The following WWC2 variants were observed in gnomAD, a reference collection of about 807,000 sequenced individuals.
The protein encoded by WWC2 is WW and C2 domain containing 2.
Under a neutral mutation model 138.5 loss-of-function variants are expected in WWC2, and 101 were observed. The observed-to-expected ratio is 0.73, with a 90% confidence interval of 0.62 to 0.86. The LOEUF is 0.86. WWC2 is among the 40% of genes least tolerant of loss of function. The pLI is 0.00. For missense variants in WWC2, 1,420 were observed against 1,419.4 expected (o/e 1.00, Z -0.01); for synonymous variants, 558 against 538.4 (o/e 1.04, Z -0.50).
chr4:183,251,002 T>A (rs2111336474), intron 8 of WWC2, among the ~76,000 whole-genome samples: 1 of 152,336 alleles, frequency 6.6e-6, no homozygotes, highest in East Asian at 1.9e-4. Flanking sequence ...ATTACTTGGT[T>A]CCTCACTTCC....
At chr4:183,133,148 T>C (rs1732991489) in intron 1 of WWC2, among the ~76,000 whole-genome samples, 2 of 135,024 alleles carry the variant, frequency 1.5e-5, no homozygotes, top group Admixed American at 7.0e-5. Context: ...TCTTTCTTTT[T>C]TTTCTTTTTT....
chr4:183,236,050 C>G (rs1736414126), intron 4 of WWC2, among the ~76,000 whole-genome samples: 1 of 152,128 alleles, frequency 6.6e-6, no homozygotes, highest in South Asian at 2.1e-4. Context: ...AGATAGGGGT[C>G]TAGATTCATT....
intron 2 of WWC2, among the ~76,000 whole-genome samples, chr4:183,196,513 C>G (rs1735146489): frequency 6.6e-6 from 1 of 152,230 alleles, no homozygotes; most frequent in African/African-American, 2.4e-5. Flanking sequence ...GTGATAACTT[C>G]AGTTACTTCC....
intron 11 of WWC2, among the ~76,000 whole-genome samples, chr4:183,264,486 C>T (rs1011757551): frequency 6.6e-6 from 1 of 152,126 alleles, no homozygotes; most frequent in Non-Finnish European, 1.5e-5. Flanking sequence ...GAGTCAAAGA[C>T]ATTTTTTCTT....
intron 7 of WWC2, among the ~76,000 whole-genome samples, chr4:183,249,365 G>A (rs922602921): frequency 3.3e-5 from 5 of 152,074 alleles, no homozygotes; most frequent in African/African-American, 1.2e-4. Context: ...TCCATTTTGG[G>A]ATGCCATTAG....
chr4:183,284,403 T>G lies in WWC2; in HGVS notation c.3048+13T>G, dbSNP rs767279077. ...GTACATCTGCAGGGTAAGGTGGCAG[T>G]GCTCGTGGTGAGGCGCTGGGACTGC... On this transcript the variant is annotated intron_variant, in intron 19 of 22. Transcript: ENST00000403733. 67 of 1,608,264 alleles carry G rather than the reference T, an allele frequency of 4.2e-5. No homozygotes were observed. Among genetic ancestry groups the G allele is most frequent in the Non-Finnish European group, 5.5e-5 (65 of 1,178,802 alleles).
chr4:183,258,541 G>A (rs1737223597), intron 9 of WWC2, among the ~76,000 whole-genome samples: 1 of 152,140 alleles, frequency 6.6e-6, no homozygotes, highest in African/African-American at 2.4e-5. Flanking sequence ...AAAGAAAAGT[G>A]GCTAGTTTTT....
At chr4:183,238,266 A>C (rs13145313) in intron 4 of WWC2, among the ~76,000 whole-genome samples, 62,978 of 151,818 alleles carry the variant, frequency 0.41, 13,642 homozygotes, top group African/African-American at 0.52. Flanking sequence ...ATGCTTTCCC[A>C]CACCCTCCAC....
chr4:183,222,415 T>C (rs988795102), intron 4 of WWC2, among the ~76,000 whole-genome samples: 1 of 151,998 alleles, frequency 6.6e-6, no homozygotes, highest in Non-Finnish European at 1.5e-5. Context: ...AAAAATCATA[T>C]TCACAATAGC....
chr4:183,131,556 A>T (rs1186717437), intron 1 of WWC2, among the ~76,000 whole-genome samples: 1 of 151,750 alleles, frequency 6.6e-6, no homozygotes, highest in East Asian at 1.9e-4. Flanking sequence ...TCTTTTATTG[A>T]TTGTTACAAG....
intron 2 of WWC2, among the ~76,000 whole-genome samples, chr4:183,202,905 G>A (rs1395896638): frequency 6.6e-6 from 1 of 152,134 alleles, no homozygotes; most frequent in Non-Finnish European, 1.5e-5. Context: ...TAGCTTACTA[G>A]CGTTAAAGGC....
intron 1 of WWC2, among the ~76,000 whole-genome samples, chr4:183,175,689 G>A (rs976921978): frequency 1.3e-5 from 2 of 152,086 alleles, no homozygotes; most frequent in African/African-American, 4.8e-5. Context: ...TTTTGTACTT[G>A]ATTTTTTGCT....
At position 183,316,802 on chromosome 4, in the gene WWC2, T is replaced by C. The variant is rs1249569869; in HGVS notation, c.*1073T>C. ...TCTCATTTTTAGGGGGTTCTATCTATAATTTATGGTAAATAGTTGGGAGGC... is the reference window on the plus strand; with the variant it reads ...TCTCATTTTTAGGGGGTTCTATCTACAATTTATGGTAAATAGTTGGGAGGC... On this transcript the variant is annotated 3_prime_UTR_variant, in exon 23 of 23. Coordinates refer to ENST00000403733, the MANE Select transcript of WWC2 (RefSeq NM_024949.6). 2 of 152,242 alleles carry C rather than the reference T, an allele frequency of 1.3e-5. No homozygotes were observed. The highest frequency in any genetic ancestry group is 6.5e-5 in the Admixed American group (1 of 15,284). The allele number at this position is 152,242 out of a possible 1,614,324, so 9.4% of individuals were successfully genotyped here. A position where few individuals can be genotyped will look rare whatever the true frequency, so the allele number is the denominator to read the frequency against.
Position 183,103,834 on chromosome 4 carries a change from C to G in WWC2, c.131+4212C>G, listed in dbSNP as rs1226526818. On this transcript the variant is annotated intron_variant, in intron 1 of 22. Transcript: ENST00000403733. ...TATTTTTGGTAGAGATGGGGTTTCA[C>G]CATGTTGGCCAGGATGATCTCCATC... Among the ~76,000 whole-genome samples, 19 of 150,146 alleles carry G rather than the reference C, an allele frequency of 1.3e-4. No homozygotes were observed. In the Admixed American group the frequency reaches 1.3e-3, roughly 10 times the overall value.
At chr4:183,181,094 C>T (rs1734620376) in intron 1 of WWC2, among the ~76,000 whole-genome samples, 1 of 152,170 alleles carries the variant, frequency 6.6e-6, no homozygotes, top group African/African-American at 2.4e-5. Context: ...TAAATCATAA[C>T]TGCATATAAT....
At chr4:183,161,692 C>T (rs568597758) in intron 1 of WWC2, among the ~76,000 whole-genome samples, 1 of 152,226 alleles carries the variant, frequency 6.6e-6, no homozygotes, top group South Asian at 2.1e-4. Flanking sequence ...GTTACAGTTG[C>T]CTACGGTATT....
At chr4:183,151,631 T>C (rs1212100204) in intron 1 of WWC2, among the ~76,000 whole-genome samples, 1 of 152,252 alleles carries the variant, frequency 6.6e-6, no homozygotes, top group Non-Finnish European at 1.5e-5. Flanking sequence ...ATGTCCTGAA[T>C]GGTAATGCCT....
chr4:183,135,749 T>C (rs1733090625), intron 1 of WWC2, among the ~76,000 whole-genome samples: 1 of 152,204 alleles, frequency 6.6e-6, no homozygotes. Flanking sequence ...TTGTCAAAGA[T>C]CTGCTGGTTG....
chr4:183,124,740 C>A (rs1460196208), intron 1 of WWC2, among the ~76,000 whole-genome samples: 1 of 152,038 alleles, frequency 6.6e-6, no homozygotes. Flanking sequence ...CAGGCACGCG[C>A]CACCATGCCC....
Sources: gnomAD v4.1 joint callset for allele counts (sites outside exome capture counted in the v4.1 genomes callset) on GRCh38, gnomAD v4.1.1 for gene constraint, MANE v1.5 for transcripts, NCBI Gene and HGNC (gene_info 2026-07-23, HGNC 2026-07-21) for gene names.